Variants in SYT3 observed in about 807,000 individuals in gnomAD.
SYT3 encodes the protein synaptotagmin 3, also known as synaptotagmin-3.
In SYT3, 25 loss-of-function variants were observed where a neutral mutation model predicts 50.6. The ratio of observed to expected loss-of-function variants is 0.49; its 90% CI spans 0.36 to 0.69. SYT3 has a LOEUF of 0.69. Among genes scored for constraint, SYT3 ranks in the 30% least tolerant of loss-of-function variants. The pLI is 0.00. For synonymous variants in SYT3, 323 were observed against 353.9 expected (o/e 0.91, Z 0.98); for missense variants, 589 against 793.6 (o/e 0.74, Z 3.10).
At chr19:50,624,544 T>G (rs1001388664) in intron 9 of SYT3, among the ~76,000 whole-genome samples, 3 of 139,818 alleles carry the variant, frequency 2.1e-5, no homozygotes, top group African/African-American at 8.1e-5. Flanking sequence ...CAAGCGATAA[T>G]CTTAAATGAC....
chr19:50,630,206 A>C, intron 4 of SYT3, 35 bp from the exon 5 acceptor site: 1 of 1,481,054 alleles, frequency 6.8e-7, no homozygotes, highest in Non-Finnish European at 9.0e-7. Context: ...AGGTGAGGTC[A>C]GTGGCTCTGA....
chr19:50,632,519 C>A lies in SYT3; in HGVS notation c.441G>T (p.Glu147Asp), dbSNP rs147608314. 1 of 1,609,148 alleles carries A rather than the reference C, an allele frequency of 6.2e-7. No individual in the cohort carries two copies. The highest frequency in any genetic ancestry group is 8.5e-7 in the Non-Finnish European group (1 of 1,178,592). Residue 147 changes from glutamate to aspartate, a missense_variant, in exon 4 of 11, where the codon GAG (glutamate) becomes GAT (aspartate). By Grantham distance (45) the Glu-to-Asp change is conservative (BLOSUM62 2). Transcript: ENST00000600079. The surrounding 1 kb of genome is among the most constrained non-coding windows in gnomAD (Gnocchi z 4.7). Reference sequence around the variant, plus strand: ...TGTCAGAACCCCCCAGGCTGCCTGGCTCCAGCAGCTCAGCAAAGGGTGGAT... The same window carrying A: ...TGTCAGAACCCCCCAGGCTGCCTGGATCCAGCAGCTCAGCAAAGGGTGGAT... Reference protein sequence around the residue: ...AHHPPFAELLEPGSLGGSDTP... With the variant: ...AHHPPFAELLDPGSLGGSDTP...
intron 3 of SYT3, among the ~76,000 whole-genome samples, chr19:50,636,050 C>T (rs183278689): frequency 2.0e-5 from 3 of 152,040 alleles, no homozygotes; most frequent in South Asian, 2.1e-4. Flanking sequence ...GTCAGGAGTT[C>T]GAGACCAGCC....
At chr19:50,643,379 C>T (rs1173670738), upstream of SYT3, among the ~76,000 whole-genome samples, 4 of 151,266 alleles carry the variant, frequency 2.6e-5, no homozygotes, top group South Asian at 4.2e-4. Flanking sequence ...GATGGATGTG[C>T]GTTTACATCC....
At chr19:50,638,543 C>G (rs930151793) in intron 2 of SYT3, among the ~76,000 whole-genome samples, 2 of 151,636 alleles carry the variant, frequency 1.3e-5, no homozygotes, top group African/African-American at 2.4e-5. Context: ...AACAGGCAGG[C>G]AGAAGGAAAG....
rs558722980 is a variant in SYT3 at position 50,637,517 on chromosome 19, C to A, written c.-15-91G>T. ...GTGTGGAGATAAGGGTGGAAAGAGACACCGAGAAAAGGAAGGATGGGCAAA... is the reference window on the plus strand; with the variant it reads ...GTGTGGAGATAAGGGTGGAAAGAGAAACCGAGAAAAGGAAGGATGGGCAAA... On this transcript the variant is annotated intron_variant, in intron 2 of 10. Coordinates refer to ENST00000600079, the MANE Select transcript of SYT3 (RefSeq NM_001160329.2). The surrounding 1 kb of genome is among the most constrained non-coding windows in gnomAD (Gnocchi z 4.9). 3.1e-4 allele frequency: 373 copies of A among 1,186,920 alleles called. 6 individuals are homozygous for A. The South Asian group carries it at 5.8e-3, about 18-fold the overall frequency. The allele number at this position is 1,186,920 out of a possible 1,614,324, so 73.5% of individuals were successfully genotyped here. A position where few individuals can be genotyped will look rare whatever the true frequency, so the allele number is the denominator to read the frequency against.
rs1439051787 is a variant in SYT3, at chr19:50,625,778, G to A, written c.1402+119C>T. On this transcript the variant is annotated intron_variant, in intron 7 of 10. Coordinates refer to ENST00000600079, the MANE Select transcript of SYT3 (RefSeq NM_001160329.2). The surrounding 1 kb of genome is among the most constrained non-coding windows in gnomAD (Gnocchi z 7.5). The stretch of plus-strand genomic sequence containing the variant: ...CTGGCCCCTCCTCCCTCAGACCCAG[G>A]AGTCCAGATCCCCAGCTCCTCCTCC... 5 of 583,740 alleles carry A rather than the reference G, an allele frequency of 8.6e-6. 1 individual carries two copies. Among genetic ancestry groups the A allele is most frequent in the Non-Finnish European group, 1.4e-5 (5 of 346,716 alleles). 36.2% of individuals were successfully genotyped at this position (583,740 alleles called of 1,614,324 possible).
At position 50,622,744 on chromosome 19, in the gene SYT3, C is replaced by T. The variant is rs1252191609; in HGVS notation, c.1719G>A (p.Val573=). 9.4e-7 allele frequency: 1 copy of T among 1,059,636 alleles called. No individual in the cohort carries two copies. Among genetic ancestry groups the T allele is most frequent in the Non-Finnish European group, 1.5e-6 (1 of 679,324 alleles). The allele number at this position is 1,059,636 out of a possible 1,614,324, so 65.6% of individuals were successfully genotyped here. ...HWHQLVEEKT[V]TSFTKGSKGL... is the part of the protein sequence containing the mutation. The stretch of plus-strand genomic sequence containing the variant: ...CTTTGCTGCCTTTTGTGAAGCTGGT[C>T]ACAGTCTTTTCCTAAAGGAGAAAGT... Residue 573 remains valine (V), a synonymous_variant, in exon 10 of 11, where the codon GTG becomes GTA. Coordinates refer to ENST00000600079, the MANE Select transcript of SYT3 (RefSeq NM_001160329.2).
the SYT3 span, among the ~76,000 whole-genome samples, chr19:50,652,863 G>C: frequency 5.8e-4 from 89 of 152,188 alleles, no homozygotes; most frequent in African/African-American, 2.1e-3. Context: ...TGGGGAGATT[G>C]AGAACACGCA....
Position 50,625,759 on chromosome 19 carries a change from C to T in SYT3, c.1402+138G>A. On this transcript the variant is annotated intron_variant, in intron 7 of 10. Transcript: ENST00000600079. This position sits in a 1 kb window ranked among gnomAD's most constrained non-coding sequence, Gnocchi z 7.5. Reference sequence around the variant, plus strand: ...GACCCAGGAGTCCAGGCCCCTGGCCCCTCCTCCCTCAGACCCAGGAGTCCA... The same window carrying T: ...GACCCAGGAGTCCAGGCCCCTGGCCTCTCCTCCCTCAGACCCAGGAGTCCA... The T allele has an allele frequency of 1.1e-6, 1 of 879,816 alleles. No individual in the cohort carries two copies. The highest frequency in any genetic ancestry group is 1.7e-6 in the Non-Finnish European group (1 of 589,736). The allele number at this position is 879,816 out of a possible 1,614,324, so 54.5% of individuals were successfully genotyped here.
chr19:50,648,060 C>A, the SYT3 span, among the ~76,000 whole-genome samples: 3 of 152,136 alleles, frequency 2.0e-5, no homozygotes, highest in Non-Finnish European at 4.4e-5. Flanking sequence ...TCAGGCATTG[C>A]TGGATCCAGG....
At position 50,625,427 on chromosome 19, in the gene SYT3, C is replaced by A. The variant is rs377637160; in HGVS notation, c.1540G>T (p.Val514Leu). 1 of 1,563,156 alleles carries A rather than the reference C, an allele frequency of 6.4e-7. No individual in the cohort carries two copies. Among genetic ancestry groups the A allele is most frequent in the Non-Finnish European group, 8.7e-7 (1 of 1,153,808 alleles). The stretch of plus-strand genomic sequence containing the variant: ...TCTACCACGGCGATGCTGAGCCCCA[C>A]GTTCTCCACGCTCTCGGGGGCCACG... Reference protein sequence around the residue: ...FDVAPESVENVGLSIAVVDYD... With the variant: ...FDVAPESVENLGLSIAVVDYD... The change falls in exon 8 of 11, where the codon GTG becomes TTG. Residue 514 changes from valine to leucine, a missense_variant. Val to Leu is a conservative substitution (Grantham distance 32). Transcript: ENST00000600079. The surrounding 1 kb of genome is among the most constrained non-coding windows in gnomAD (Gnocchi z 7.5).
Position 50,639,425 on chromosome 19 carries a change from T to TC in SYT3, c.-153-264_-153-263insG, listed in dbSNP as rs935092832. On this transcript the variant is annotated intron_variant, in intron 1 of 10. Transcript: ENST00000600079. This position sits in a 1 kb window ranked among gnomAD's most constrained non-coding sequence, Gnocchi z 4.6. ...CTGCAGAGAGGATGGGATTTTTTTT[T>TC]TTTTTTTAAGGTTTTGGGGGGTTAA... The TC allele has an allele frequency of 6.6e-6, 1 of 151,866 alleles. No individual in the cohort carries two copies. The highest frequency in any genetic ancestry group is 2.4e-5 in the African/African-American group (1 of 41,342). 9.4% of individuals were successfully genotyped at this position (151,866 alleles called of 1,614,324 possible). A position where few individuals can be genotyped will look rare whatever the true frequency, so the allele number is the denominator to read the frequency against.
In SYT3 at chr19:50,639,560, G is replaced by A. The variant is rs992108240; in HGVS notation, c.-154+230C>T. On this transcript the variant is annotated intron_variant, in intron 1 of 10. Transcript: ENST00000600079. This position sits in a 1 kb window ranked among gnomAD's most constrained non-coding sequence, Gnocchi z 4.6. ...CACGGAATGAGGAAACGATCCCCCC[G>A]CGCTGGGGATCGGTGGGCGAGGGGT... 6.6e-6 allele frequency among the ~76,000 whole-genome samples: 1 copy of A among 151,956 alleles called. No homozygotes were observed. Among genetic ancestry groups the A allele is most frequent in the Non-Finnish European group, 1.5e-5 (1 of 67,956 alleles).
rs937105956 is a variant in SYT3, at chr19:50,625,014, G to C, written c.1707+148C>G. ...AGAGCGCTTGGGTAACTGGCTCTAA[G>C]CCGCACAGCTAAAGTTGGCACAGCA... On this transcript the variant is annotated intron_variant, in intron 9 of 10. Transcript: ENST00000600079. The surrounding 1 kb of genome is among the most constrained non-coding windows in gnomAD (Gnocchi z 7.5). 8 of 841,940 alleles carry C rather than the reference G, an allele frequency of 9.5e-6. No homozygotes were observed. In the African/African-American group the frequency reaches 1.4e-4, roughly 15 times the overall value. The allele number at this position is 841,940 out of a possible 1,614,324, so 52.2% of individuals were successfully genotyped here. A position where few individuals can be genotyped will look rare whatever the true frequency, so the allele number is the denominator to read the frequency against.
chr19:50,641,737 T>C (rs1420804577), upstream of SYT3, among the ~76,000 whole-genome samples: 2 of 152,002 alleles, frequency 1.3e-5, no homozygotes, highest in Admixed American at 1.3e-4. Flanking sequence ...TCCTAGCTAC[T>C]TGGGGGGCTG....
At chr19:50,624,294 T>A (rs1983963366) in intron 9 of SYT3, among the ~76,000 whole-genome samples, 1 of 152,202 alleles carries the variant, frequency 6.6e-6, no homozygotes, top group South Asian at 2.1e-4. Flanking sequence ...TTTTTCTAAA[T>A]TTATTTTTCC....
At chr19:50,638,732 G>A (rs1984573939) in intron 2 of SYT3, among the ~76,000 whole-genome samples, 1 of 152,050 alleles carries the variant, frequency 6.6e-6, no homozygotes, top group South Asian at 2.1e-4. Context: ...GGCAAGGACA[G>A]CAGATGATGG....
intron 9 of SYT3, among the ~76,000 whole-genome samples, chr19:50,623,892 T>TA (rs1983946749): frequency 6.6e-6 from 1 of 150,854 alleles, no homozygotes; most frequent in Non-Finnish European, 1.5e-5. Context: ...ATCAAATTTT[T>TA]AAAAAAGGCC....
Sources: gnomAD v4.1 joint callset for allele counts (sites outside exome capture counted in the v4.1 genomes callset) on GRCh38, gnomAD v4.1.1 for gene constraint, Gnocchi (gnomAD v3.1) non-coding constraint, MANE v1.5 for transcripts, NCBI Gene and HGNC (gene_info 2026-07-23, HGNC 2026-07-21) for gene names.